The following ESR2 variants were observed in gnomAD, a reference collection of about 807,000 sequenced individuals.
ESR2 encodes the protein estrogen receptor beta.
A neutral mutation model predicts 49.6 loss-of-function variants in ESR2; 36 were observed. The observed-to-expected ratio is 0.73, with a 90% CI of 0.56 to 0.96. The LOEUF is 0.96. ESR2 is among the 40% of genes least tolerant of loss of function. The probability of loss-of-function intolerance (pLI) is 0.00; values close to 1 mark genes in which losing one functional copy is unlikely to be tolerated. For synonymous variants in ESR2, 320 were observed against 266.1 expected (o/e 1.20, Z -1.97); for missense variants, 714 against 693.0 (o/e 1.03, Z -0.34).
At position 64,229,094 on chromosome 14, in the gene ESR2, C is replaced by T. The variant is rs1170848084; in HGVS notation, c.*4043G>A. 1.3e-5 allele frequency among the ~76,000 whole-genome samples: 2 copies of T among 152,248 alleles called. No individual in the cohort carries two copies. The highest frequency in any genetic ancestry group is 4.1e-4 in the South Asian group (2 of 4,822). On this transcript the variant is annotated 3_prime_UTR_variant, in exon 9 of 9. Transcript: ENST00000341099. ...GAGGTGATCACAGTACCCACTAGAG[C>T]TCATGAACCTGAGATGGGACAATGG...
intron 1 of ESR2, among the ~76,000 whole-genome samples, chr14:64,316,556 C>T (rs139108750): frequency 0.021 from 3,151 of 152,210 alleles, 80 homozygotes; most frequent in East Asian, 0.12. Context: ...TGCCTGTAAT[C>T]CCAGCACTTT....
In ESR2 at chr14:64,283,036, C is replaced by T. The variant is rs746385847; in HGVS notation, c.-51G>A. On this transcript the variant is annotated 5_prime_UTR_variant, in exon 2 of 9. It removes an upstream start codon present in the reference 5' UTR. Transcript: ENST00000341099. Reference sequence around the variant, plus strand: ...ACCTTGCAAGAAGAGGCACAAAGGTCATTATAATGTTCTCAAAGATTCGTG... The same window carrying T: ...ACCTTGCAAGAAGAGGCACAAAGGTTATTATAATGTTCTCAAAGATTCGTG... The T allele has an allele frequency of 7.1e-6, 11 of 1,548,638 alleles. No homozygotes were observed. Among genetic ancestry groups the T allele is most frequent in the Non-Finnish European group, 9.6e-6 (11 of 1,148,146 alleles).
upstream of ESR2, among the ~76,000 whole-genome samples, chr14:64,297,233 T>C (rs1035510061): frequency 6.6e-6 from 1 of 152,222 alleles, no homozygotes; most frequent in Non-Finnish European, 1.5e-5. Flanking sequence ...TAAAATTAAG[T>C]CATGTTATAT....
chr14:64,252,612 C>T (rs2076011484), intron 6 of ESR2, among the ~76,000 whole-genome samples: 1 of 152,116 alleles, frequency 6.6e-6, no homozygotes. Flanking sequence ...AAAGGGAAAC[C>T]AAGGCACATC....
chr14:64,309,248 T>C (rs1047050744), intron 1 of ESR2, among the ~76,000 whole-genome samples: 6 of 152,316 alleles, frequency 3.9e-5, no homozygotes, highest in South Asian at 2.1e-4. Flanking sequence ...GTATGTTATC[T>C]AAGCAGATGT....
intron 7 of ESR2, among the ~76,000 whole-genome samples, chr14:64,246,664 G>A (rs1263690419): frequency 6.8e-6 from 1 of 147,136 alleles, no homozygotes; most frequent in African/African-American, 2.5e-5. Flanking sequence ...CCTGGGAGGC[G>A]GAGGTTTCAG....
At chr14:64,322,988 C>T (rs2077343074) in intron 1 of ESR2, among the ~76,000 whole-genome samples, 1 of 152,048 alleles carries the variant, frequency 6.6e-6, no homozygotes, top group African/African-American at 2.4e-5. Flanking sequence ...TAAGATACAA[C>T]CATGAGGCAC....
At chr14:64,326,885 C>T (rs532786697) in intron 1 of ESR2, among the ~76,000 whole-genome samples, 1 of 152,304 alleles carries the variant, frequency 6.6e-6, no homozygotes, top group East Asian at 1.9e-4. Flanking sequence ...ATAAAGGCTC[C>T]CAGTCAACCA....
At chr14:64,272,242 T>G (rs1202453558) in intron 3 of ESR2, among the ~76,000 whole-genome samples, 1 of 152,214 alleles carries the variant, frequency 6.6e-6, no homozygotes, top group Non-Finnish European at 1.5e-5. Flanking sequence ...ATTTTTAAAT[T>G]GGATTTTTAA....
chr14:64,286,165 C>A (rs2076781672), intron 1 of ESR2, among the ~76,000 whole-genome samples: 1 of 151,986 alleles, frequency 6.6e-6, no homozygotes, highest in African/African-American at 2.4e-5. Flanking sequence ...CCACTTCCAA[C>A]CAACATTGTA....
intron 1 of ESR2, chr14:64,301,543 A>T (rs1397640492): frequency 3.3e-5 from 5 of 152,106 alleles, no homozygotes; most frequent in African/African-American, 1.2e-4. Context: ...CTGTTTTTCA[A>T]CCTAACCTTG....
intron 1 of ESR2, among the ~76,000 whole-genome samples, chr14:64,284,485 C>A (rs935161945): frequency 1.3e-5 from 2 of 151,236 alleles, no homozygotes; most frequent in Admixed American, 6.6e-5. Flanking sequence ...CACCACCACA[C>A]TAATTTTTGT....
intron 1 of ESR2, among the ~76,000 whole-genome samples, chr14:64,325,197 T>G (rs1162434033): frequency 2.0e-5 from 3 of 152,210 alleles, no homozygotes; most frequent in Non-Finnish European, 4.4e-5. Flanking sequence ...TCCTCAATTA[T>G]TTAACAAAAG....
intron 3 of ESR2, among the ~76,000 whole-genome samples, chr14:64,271,213 C>T (rs570164722): frequency 4.6e-5 from 7 of 151,928 alleles, no homozygotes; most frequent in African/African-American, 1.7e-4. Flanking sequence ...CTTAAGCAAT[C>T]CTCCCATCTC....
intron 7 of ESR2, among the ~76,000 whole-genome samples, 169 bp from the exon 8 acceptor site, chr14:64,235,319 A>G (rs1017965785): frequency 6.6e-6 from 1 of 152,228 alleles, no homozygotes; most frequent in Non-Finnish European, 1.5e-5. Context: ...ATCTTCCCTG[A>G]GAGCCAGCCC....
At chr14:64,303,268 T>C (rs2077049163) in intron 1 of ESR2, among the ~76,000 whole-genome samples, 1 of 152,198 alleles carries the variant, frequency 6.6e-6, no homozygotes, top group Non-Finnish European at 1.5e-5. Context: ...AGGGCACTGA[T>C]AGAAGTGAAC....
chr14:64,269,064 T>C (rs1302230870), intron 3 of ESR2, among the ~76,000 whole-genome samples, 153 bp from the exon 4 acceptor site: 1 of 152,340 alleles, frequency 6.6e-6, no homozygotes, highest in Non-Finnish European at 1.5e-5. Context: ...TCAAGCTACA[T>C]TGTCACCTTG....
rs1461903587 is a variant in ESR2, at chr14:64,229,694, A to T, written c.*3443T>A. 6.6e-6 allele frequency among the ~76,000 whole-genome samples: 1 copy of T among 152,212 alleles called. No homozygotes were observed. Among genetic ancestry groups the T allele is most frequent in the Admixed American group, 6.5e-5 (1 of 15,288 alleles). Reference sequence around the variant, plus strand: ...TGTTCAGCTCAATCACCTACTCCCCACGTGACCTTCAGCAAGTTTGCTTAG... The same window carrying T: ...TGTTCAGCTCAATCACCTACTCCCCTCGTGACCTTCAGCAAGTTTGCTTAG... On this transcript the variant is annotated 3_prime_UTR_variant, in exon 9 of 9. Coordinates refer to ENST00000341099, the MANE Select transcript of ESR2 (RefSeq NM_001437.3).
chr14:64,312,961 C>T (rs531159374), intron 1 of ESR2, among the ~76,000 whole-genome samples: 2 of 152,006 alleles, frequency 1.3e-5, no homozygotes, highest in African/African-American at 4.8e-5. Context: ...ACAGAGTTAG[C>T]AGAGGGGATT....
Sources: gnomAD v4.1 joint callset for allele counts (sites outside exome capture counted in the v4.1 genomes callset) on GRCh38, gnomAD v4.1.1 for gene constraint, MANE v1.5 for transcripts, NCBI Gene and HGNC (gene_info 2026-07-23, HGNC 2026-07-21) for gene names.